PLEK: variants seen among roughly 807,000 people sequenced by gnomAD.
PLEK encodes the protein pleckstrin, also known as platelet 47 kDa protein.
Under a neutral mutation model 43.9 loss-of-function variants are expected in PLEK, and 25 were observed. That is an observed-to-expected ratio of 0.57 (90% CI 0.41 to 0.79). The LOEUF (loss-of-function observed/expected upper bound fraction) is 0.79, where lower values mean the gene tolerates loss of function less well. Ranked by LOEUF, PLEK falls within the 30% of genes least tolerant of loss-of-function variation. PLEK has a pLI of 0.00. For missense variants in PLEK, 396 were observed against 413.3 expected, an observed-to-expected ratio of 0.96 and a Z score of 0.36; for synonymous variants, 152 against 144.4, an observed-to-expected ratio of 1.05 and a Z score of -0.38.
intron 4 of PLEK, among the ~76,000 whole-genome samples, chr2:68,385,828 C>T (rs1673729908): frequency 6.6e-6 from 1 of 152,150 alleles, no homozygotes; most frequent in African/African-American, 2.4e-5. Flanking sequence ...CAGATTTGAC[C>T]CAGTAGTCTC....
chr2:68,388,157 A>C (rs555358502), intron 5 of PLEK: 4 of 441,592 alleles, frequency 9.1e-6, no homozygotes, highest in Non-Finnish European at 1.6e-5. Flanking sequence ...GGATATTGAC[A>C]AGATCACACC....
At chr2:68,383,015 G>A (rs1673661823) in intron 4 of PLEK, among the ~76,000 whole-genome samples, 1 of 152,140 alleles carries the variant, frequency 6.6e-6, no homozygotes, top group Admixed American at 6.5e-5. Context: ...ACAATATTAG[G>A]GCTATCAGAG....
chr2:68,366,551 T>G (rs1170880710), intron 1 of PLEK, among the ~76,000 whole-genome samples: 1 of 152,244 alleles, frequency 6.6e-6, no homozygotes, highest in African/African-American at 2.4e-5. Context: ...TGTTCATTAC[T>G]CCAGCATTTT....
In PLEK at chr2:68,393,252, T is replaced by C. The variant is rs187710433; in HGVS notation, c.846+7T>C. 16 of 1,559,500 alleles carry C rather than the reference T, an allele frequency of 1.0e-5. No homozygotes were observed. The highest frequency in any genetic ancestry group is 9.5e-5 in the African/African-American group (7 of 73,804). On this transcript the variant is annotated splice_region_variant and intron_variant, in intron 7 of 8. Transcript: ENST00000234313. Reference sequence around the variant, plus strand: ...CTACTATGACCCTGCTGGGGTAAGGTCCTGTGGTTCATAAATCCATTCAAA... The same window carrying C: ...CTACTATGACCCTGCTGGGGTAAGGCCCTGTGGTTCATAAATCCATTCAAA...
At chr2:68,373,751 T>A (rs1018014993) in intron 1 of PLEK, among the ~76,000 whole-genome samples, 4 of 152,246 alleles carry the variant, frequency 2.6e-5, no homozygotes, top group Non-Finnish European at 5.9e-5. Context: ...ATTCCTGAGG[T>A]TGAATATTAA....
intron 1 of PLEK, among the ~76,000 whole-genome samples, chr2:68,377,719 G>T (rs1673532461): frequency 6.6e-6 from 1 of 152,086 alleles, no homozygotes; most frequent in African/African-American, 2.4e-5. Context: ...TCATTCTGTG[G>T]GTTGTCTCTT....
At chr2:68,387,070 A>G (rs1467471401) in intron 5 of PLEK, among the ~76,000 whole-genome samples, 1 of 152,110 alleles carries the variant, frequency 6.6e-6, no homozygotes, top group Non-Finnish European at 1.5e-5. Flanking sequence ...CAGTGGTGTC[A>G]TCTCGGCTCA....
Position 68,379,858 on chromosome 2 carries a change from T to A in PLEK, c.43-470T>A, listed in dbSNP as rs1296527288. On this transcript the variant is annotated intron_variant, in intron 1 of 8. Transcript: ENST00000234313. ...ATGAACCAAGGAAAGTACCTGATAA[T>A]GTAATTGCCATGGAGAAGGAAAGAT... Among the ~76,000 whole-genome samples the A allele has an allele frequency of 2.6e-5, 4 of 152,132 alleles. No individual in the cohort carries two copies. In the South Asian group the frequency reaches 6.2e-4, roughly 24 times the overall value.
At chr2:68,395,122 A>T (rs1419205315) in intron 8 of PLEK, among the ~76,000 whole-genome samples, 1 of 152,032 alleles carries the variant, frequency 6.6e-6, no homozygotes, top group Non-Finnish European at 1.5e-5. Flanking sequence ...GATGAAAAAC[A>T]GTTCAGGCTA....
intron 6 of PLEK, among the ~76,000 whole-genome samples, chr2:68,389,991 G>C (rs186374485): frequency 6.6e-6 from 1 of 151,986 alleles, no homozygotes; most frequent in African/African-American, 2.4e-5. Flanking sequence ...TAGTTGATTG[G>C]GCAAACCCTA....
chr2:68,384,305 C>T (rs1673694722), intron 4 of PLEK, among the ~76,000 whole-genome samples: 1 of 151,994 alleles, frequency 6.6e-6, no homozygotes, highest in Non-Finnish European at 1.5e-5. Context: ...TCACTGCAAC[C>T]TCTGCCGCCC....
intron 1 of PLEK, among the ~76,000 whole-genome samples, chr2:68,376,114 C>T (rs952718824): frequency 1.3e-5 from 2 of 152,170 alleles, no homozygotes; most frequent in African/African-American, 4.8e-5. Flanking sequence ...TGCATGCCAC[C>T]ACTTATGACT....
At position 68,379,181 on chromosome 2, in the gene PLEK, A is replaced by T. The variant is rs190561159; in HGVS notation, c.43-1147A>T. Among the ~76,000 whole-genome samples the T allele has an allele frequency of 4.5e-4, 68 of 152,248 alleles. No individual in the cohort carries two copies. The Middle Eastern group carries it at 0.01, about 23-fold the overall frequency. On this transcript the variant is annotated intron_variant, in intron 1 of 8. Transcript: ENST00000234313. ...AATTTAAAAAAAGAGACAGAGAGAG[A>T]GTGCTTGAGCTAGATCATCTAAGAT... is the stretch of plus-strand genomic sequence containing the variant.
intron 1 of PLEK, among the ~76,000 whole-genome samples, chr2:68,374,817 G>T (rs1673472264): frequency 6.6e-6 from 1 of 152,138 alleles, no homozygotes; most frequent in African/African-American, 2.4e-5. Flanking sequence ...TATTTATAAT[G>T]TTCCAGGTAC....
intron 1 of PLEK, among the ~76,000 whole-genome samples, chr2:68,365,891 A>T (rs1352735819): frequency 2.0e-5 from 3 of 152,124 alleles, no homozygotes; most frequent in Admixed American, 1.3e-4. Context: ...TGACACGTTT[A>T]AAAAAAACCT....
chr2:68,395,917 G>C lies in PLEK; in HGVS notation c.*101G>C. 9.4e-7 allele frequency: 1 copy of C among 1,064,180 alleles called. No individual in the cohort carries two copies. The highest frequency in any genetic ancestry group is 2.8e-4 in the Middle Eastern group (1 of 3,576). The allele number at this position is 1,064,180 out of a possible 1,614,324, so 65.9% of individuals were successfully genotyped here. A position where few individuals can be genotyped will look rare whatever the true frequency, so the allele number is the denominator to read the frequency against. On this transcript the variant is annotated 3_prime_UTR_variant, in exon 9 of 9. Transcript: ENST00000234313. ...TGACAAATCAACGGGAAACAGCCCA[G>C]GGGTGGGAAGTTTTCATTTGCAGGG...
chr2:68,365,747 G>T (rs1673257249), intron 1 of PLEK, among the ~76,000 whole-genome samples: 1 of 152,000 alleles, frequency 6.6e-6, no homozygotes, highest in Admixed American at 6.6e-5. Context: ...TTTCTTGGAG[G>T]GACTATTCAT....
chr2:68,384,174 TCTCCTTCTC>T (rs1374041817), intron 4 of PLEK, among the ~76,000 whole-genome samples: 1 of 49,654 alleles, frequency 2.0e-5, no homozygotes, highest in Admixed American at 1.5e-4. Context: ...TCCTTCTCCT[TCTCCTTCTC>T]CTTCTCCTTC....
intron 1 of PLEK, among the ~76,000 whole-genome samples, chr2:68,367,085 A>G (rs1310477946): frequency 6.6e-6 from 1 of 152,170 alleles, no homozygotes; most frequent in Non-Finnish European, 1.5e-5. Flanking sequence ...CTCAGATTGT[A>G]AAAGCCAATC....
Sources: gnomAD v4.1 joint callset for allele counts (sites outside exome capture counted in the v4.1 genomes callset) on GRCh38, gnomAD v4.1.1 for gene constraint, MANE v1.5 for transcripts, NCBI Gene and HGNC (gene_info 2026-07-23, HGNC 2026-07-21) for gene names.